ATP1B3: variants seen among roughly 807,000 people sequenced by gnomAD.
The protein encoded by ATP1B3 is sodium/potassium-transporting ATPase subunit beta-3.
In ATP1B3, 10 loss-of-function variants were observed where a neutral mutation model predicts 30.2. That is an observed-to-expected ratio of 0.33 (90% confidence interval 0.20 to 0.56). The LOEUF is 0.56. ATP1B3 is among the 20% of genes least tolerant of loss of function. The probability of loss-of-function intolerance (pLI) is 0.90; values close to 1 mark genes in which losing one functional copy is unlikely to be tolerated. For missense variants in ATP1B3, 238 were observed against 336.7 expected, an observed-to-expected ratio of 0.71 and a Z score of 2.29; for synonymous variants, 113 against 117.0, an observed-to-expected ratio of 0.97 and a Z score of 0.22.
At chr3:141,903,573 C>G (rs773849265) in intron 1 of ATP1B3, 47 bp from the exon 2 acceptor site, 7 of 1,607,156 alleles carry the variant, frequency 4.4e-6, no homozygotes, top group Non-Finnish European at 6.0e-6. Flanking sequence ...CATGCATACA[C>G]ACACACACGC....
chr3:141,898,103 A>G (rs1285167357), intron 1 of ATP1B3, among the ~76,000 whole-genome samples: 4 of 152,220 alleles, frequency 2.6e-5, no homozygotes, highest in Non-Finnish European at 4.4e-5. Context: ...TACAAAAATT[A>G]ACTCAAAATG....
At chr3:141,922,919 T>C (rs62283117) in intron 6 of ATP1B3, among the ~76,000 whole-genome samples, 10 of 152,018 alleles carry the variant, frequency 6.6e-5, no homozygotes, top group African/African-American at 2.4e-4. Context: ...TGAGCCGAGA[T>C]TGTGCCACTG....
intron 1 of ATP1B3, among the ~76,000 whole-genome samples, chr3:141,892,498 G>A (rs1057023146): frequency 6.6e-6 from 1 of 151,562 alleles, no homozygotes; most frequent in African/African-American, 2.4e-5. Context: ...ATTACAAATT[G>A]TTATTGAATA....
chr3:141,897,486 A>C (rs1456773747), intron 1 of ATP1B3, among the ~76,000 whole-genome samples: 1 of 152,178 alleles, frequency 6.6e-6, no homozygotes, highest in Non-Finnish European at 1.5e-5. Context: ...GTTTTAATAG[A>C]AAAGACAATA....
At chr3:141,916,831 C>T (rs1934472436) in intron 5 of ATP1B3, among the ~76,000 whole-genome samples, 1 of 152,054 alleles carries the variant, frequency 6.6e-6, no homozygotes, top group African/African-American at 2.4e-5. Context: ...GTTTCTGACT[C>T]AGTAGGTCTG....
At chr3:141,896,237 G>A (rs1052339411) in intron 1 of ATP1B3, among the ~76,000 whole-genome samples, 3 of 151,900 alleles carry the variant, frequency 2.0e-5, no homozygotes, top group Non-Finnish European at 4.4e-5. Flanking sequence ...GGGAGGCCGA[G>A]GCAGGAGGAT....
chr3:141,916,701 GAAAA>G, intron 5 of ATP1B3: 2 of 755,476 alleles, frequency 2.6e-6, no homozygotes, highest in East Asian at 1.3e-4. Flanking sequence ...TTAAAGTTGT[GAAAA>G]AAAATTCTTT....
chr3:141,916,384 C>A (rs775745247), intron 5 of ATP1B3: 2 of 472,904 alleles, frequency 4.2e-6, no homozygotes, highest in East Asian at 6.9e-5. Context: ...AGTTAGTTGG[C>A]GTGCTAGTCA....
intron 1 of ATP1B3, among the ~76,000 whole-genome samples, chr3:141,894,837 T>C (rs926965420): frequency 2.6e-5 from 4 of 152,248 alleles, no homozygotes; most frequent in Non-Finnish European, 5.9e-5. Flanking sequence ...ACAAAAAGTA[T>C]AGCATAGTAA....
rs1053970 is a variant in ATP1B3 at position 141,926,430 on chromosome 3, T to C, written c.*729T>C. 46,166 of 152,060 alleles carry C rather than the reference T, an allele frequency of 0.3. 7,476 individuals are homozygous for C. The highest frequency in any genetic ancestry group is 0.41 in the African/African-American group (16,912 of 41,472). The allele number at this position is 152,060 out of a possible 1,614,324, so 9.4% of individuals were successfully genotyped here. A position where few individuals can be genotyped will look rare whatever the true frequency, so the allele number is the denominator to read the frequency against. Reference sequence around the variant, plus strand: ...TGAGATTAAATTCATAAGACTTAATTTGTACAATAGTTTGTGAAATATCTT... The same window carrying C: ...TGAGATTAAATTCATAAGACTTAATCTGTACAATAGTTTGTGAAATATCTT... On this transcript the variant is annotated 3_prime_UTR_variant, in exon 7 of 7. Transcript: ENST00000286371.
chr3:141,877,864 A>T (rs948386302), intron 1 of ATP1B3, among the ~76,000 whole-genome samples: 1 of 150,794 alleles, frequency 6.6e-6, no homozygotes, highest in African/African-American at 2.5e-5. Flanking sequence ...ACTTAAGTAA[A>T]CTAATTTTAC....
At chr3:141,889,964 A>T (rs932488216) in intron 1 of ATP1B3, among the ~76,000 whole-genome samples, 1 of 150,544 alleles carries the variant, frequency 6.6e-6, no homozygotes, top group Non-Finnish European at 1.5e-5. Context: ...AATATTGTGC[A>T]GTTTTTTCCA....
At chr3:141,920,542 GAAAA>G (rs1261043515) in intron 5 of ATP1B3, among the ~76,000 whole-genome samples, 1 of 149,916 alleles carries the variant, frequency 6.7e-6, no homozygotes, top group Admixed American at 6.6e-5. Context: ...AAAGAAAAAA[GAAAA>G]AAGAAACATA....
intron 3 of ATP1B3, among the ~76,000 whole-genome samples, chr3:141,912,046 T>G (rs1034645592): frequency 6.6e-6 from 1 of 152,210 alleles, no homozygotes; most frequent in Non-Finnish European, 1.5e-5. Flanking sequence ...CTTATTTTTT[T>G]GCAAAGTGTT....
rs1245143865 is a variant in ATP1B3, at chr3:141,895,250, G to A, written c.110-8370G>A. ...GTTGCCCGGGCTGGAGTGCAGTGGC[G>A]TGATCTCAGCTCGCTGCAACCTCTG... On this transcript the variant is annotated intron_variant, in intron 1 of 6. Coordinates refer to ENST00000286371, the MANE Select transcript of ATP1B3 (RefSeq NM_001679.4). Among the ~76,000 whole-genome samples, 7 of 148,116 alleles carry A rather than the reference G, an allele frequency of 4.7e-5. No homozygotes were observed. In the East Asian group the frequency reaches 9.9e-4, roughly 21 times the overall value.
At chr3:141,890,994 T>C (rs956977585) in intron 1 of ATP1B3, among the ~76,000 whole-genome samples, 4 of 152,236 alleles carry the variant, frequency 2.6e-5, no homozygotes, top group African/African-American at 9.6e-5. Flanking sequence ...AACTCTTACT[T>C]TGGTTTATTT....
intron 3 of ATP1B3, 28 bp from the exon 4 acceptor site, chr3:141,913,624 C>G (rs1050983917): frequency 1.9e-6 from 3 of 1,577,492 alleles, no homozygotes; most frequent in South Asian, 2.3e-5. Context: ...TTTGGCTGAT[C>G]TAGCACACAT....
intron 1 of ATP1B3, among the ~76,000 whole-genome samples, chr3:141,896,856 T>C (rs1161170391): frequency 8.5e-5 from 13 of 152,216 alleles, no homozygotes; most frequent in Admixed American, 8.5e-4. Context: ...AGTTTGGTAC[T>C]TTTCTTTATG....
At chr3:141,899,100 G>C (rs1226548975) in intron 1 of ATP1B3, among the ~76,000 whole-genome samples, 1 of 152,138 alleles carries the variant, frequency 6.6e-6, no homozygotes, top group African/African-American at 2.4e-5. Context: ...ATGGGAATGG[G>C]TATGGAGTTT....
Sources: allele counts gnomAD v4.1 joint callset (sites outside exome capture counted in the v4.1 genomes callset), GRCh38; gene constraint gnomAD v4.1.1; transcripts MANE v1.5; gene names NCBI Gene and HGNC (gene_info 2026-07-23, HGNC 2026-07-21).